CADPS2: variants seen among roughly 807,000 people sequenced by gnomAD.
The protein encoded by CADPS2 is calcium dependent secretion activator 2.
CADPS2 carries 93 observed loss-of-function variants against 172.5 expected under a neutral mutation model. That is an observed-to-expected ratio of 0.54 (90% CI 0.46 to 0.64). The LOEUF (loss-of-function observed/expected upper bound fraction) is 0.64, where lower values mean the gene tolerates loss of function less well. Ranked by LOEUF, CADPS2 falls within the 30% of genes least tolerant of loss-of-function variation. The pLI is 0.00. For synonymous variants in CADPS2, 546 were observed against 555.2 expected (o/e 0.98, Z 0.23); for missense variants, 1,420 against 1,565.9 (o/e 0.91, Z 1.57).
chr7:122,587,202 A>G (rs940169446), intron 6 of CADPS2, among the ~76,000 whole-genome samples: 7 of 151,810 alleles, frequency 4.6e-5, no homozygotes. Flanking sequence ...TGCGCCTATC[A>G]ACACATCACC....
chr7:122,645,658 G>GAT (rs71161314), intron 3 of CADPS2, among the ~76,000 whole-genome samples: 3,774 of 106,576 alleles, frequency 0.035, 229 homozygotes, highest in African/African-American at 0.13. Flanking sequence ...ATATCTCTAA[G>GAT]ATATATATAT....
At chr7:122,872,978 A>T (rs1356453711) in intron 1 of CADPS2, among the ~76,000 whole-genome samples, 4 of 152,084 alleles carry the variant, frequency 2.6e-5, no homozygotes, top group Admixed American at 1.3e-4. Context: ...AAACATAAGG[A>T]AGGCGAAGGA....
intron 4 of CADPS2, among the ~76,000 whole-genome samples, chr7:122,628,708 C>T (rs780979235): frequency 2.0e-5 from 3 of 150,144 alleles, no homozygotes; most frequent in Non-Finnish European, 4.4e-5. Context: ...TCACGATACA[C>T]AGTGATCACA....
rs546759277 is a variant in CADPS2 at position 122,685,915 on chromosome 7, A to G, written c.454-22346T>C. Among the ~76,000 whole-genome samples, 92 of 152,280 alleles carry G rather than the reference A, an allele frequency of 6.0e-4. 1 individual carries two copies. The highest frequency in any genetic ancestry group is 1.2e-3 in the South Asian group (6 of 4,824). ...TGCCACAAACCTTTGGAGGGCCTAC[A>G]TACACTCCCAATGCCTTACCCTGAA... On this transcript the variant is annotated intron_variant, in intron 2 of 29. Coordinates refer to ENST00000449022, the MANE Select transcript of CADPS2 (RefSeq NM_017954.11).
At chr7:122,640,384 T>C (rs1438021735) in intron 3 of CADPS2, among the ~76,000 whole-genome samples, 3 of 151,890 alleles carry the variant, frequency 2.0e-5, no homozygotes, top group Non-Finnish European at 2.9e-5. Flanking sequence ...GCCAGTATGG[T>C]TGGAAACTCT....
intron 1 of CADPS2, among the ~76,000 whole-genome samples, chr7:122,774,591 G>T (rs973181501): frequency 6.6e-6 from 1 of 152,054 alleles, no homozygotes; most frequent in African/African-American, 2.4e-5. Context: ...CATAATCTTT[G>T]CTATAGAGTA....
chr7:122,393,761 T>C (rs2044705443), intron 20 of CADPS2, among the ~76,000 whole-genome samples, 179 bp from the exon 21 acceptor site: 1 of 152,100 alleles, frequency 6.6e-6, no homozygotes, highest in Non-Finnish European at 1.5e-5. Context: ...GATCAAAAAG[T>C]ATAATTAGCC....
intron 12 of CADPS2, among the ~76,000 whole-genome samples, chr7:122,478,591 A>G (rs1489505568): frequency 6.6e-6 from 1 of 152,238 alleles, no homozygotes; most frequent in Non-Finnish European, 1.5e-5. Flanking sequence ...AAGCCTAAAA[A>G]TTAAATTTTT....
chr7:122,785,809 G>A (rs1793895391), intron 1 of CADPS2, among the ~76,000 whole-genome samples: 1 of 152,010 alleles, frequency 6.6e-6, no homozygotes, highest in Non-Finnish European at 1.5e-5. Flanking sequence ...TCTCTCACTA[G>A]GGCTCAGACC....
chr7:122,829,156 G>T (rs905776027), intron 1 of CADPS2, among the ~76,000 whole-genome samples: 1 of 152,020 alleles, frequency 6.6e-6, no homozygotes, highest in African/African-American at 2.4e-5. Context: ...TATTGTCAGG[G>T]TGTGCTCAGC....
At chr7:122,446,596 T>C (rs10255017) in intron 15 of CADPS2, among the ~76,000 whole-genome samples, 5,122 of 152,266 alleles carry the variant, frequency 0.034, 274 homozygotes, top group African/African-American at 0.12. Context: ...CCATAAGCCT[T>C]TCCTGTGGTT....
At chr7:122,731,817 C>T (rs2091673215) in intron 2 of CADPS2, among the ~76,000 whole-genome samples, 1 of 151,696 alleles carries the variant, frequency 6.6e-6, no homozygotes, top group Non-Finnish European at 1.5e-5. Flanking sequence ...TTCTTCTCTT[C>T]CTATTCTGGT....
At chr7:122,819,280 T>G (rs1050982135) in intron 1 of CADPS2, among the ~76,000 whole-genome samples, 1 of 152,112 alleles carries the variant, frequency 6.6e-6, no homozygotes, top group Admixed American at 6.6e-5. Context: ...GGGACCCCAC[T>G]GAAAATCGGA....
chr7:122,792,815 C>A (rs1317556807), intron 1 of CADPS2, among the ~76,000 whole-genome samples: 1 of 152,156 alleles, frequency 6.6e-6, no homozygotes, highest in East Asian at 1.9e-4. Flanking sequence ...AACAGCAAAG[C>A]ATCTGGTCTC....
intron 3 of CADPS2, among the ~76,000 whole-genome samples, chr7:122,650,319 T>C (rs1207406879): frequency 6.6e-6 from 1 of 152,140 alleles, no homozygotes; most frequent in Non-Finnish European, 1.5e-5. Context: ...TACAGTTGCT[T>C]ATTATGCTTG....
At chr7:122,565,529 G>C (rs2066346774) in intron 7 of CADPS2, among the ~76,000 whole-genome samples, 3 of 152,076 alleles carry the variant, frequency 2.0e-5, no homozygotes, top group Admixed American at 2.0e-4. Flanking sequence ...TCAAAATCAG[G>C]TTTCAAAGTT....
At chr7:122,387,723 T>G (rs904296328) in intron 23 of CADPS2, among the ~76,000 whole-genome samples, 2 of 152,208 alleles carry the variant, frequency 1.3e-5, no homozygotes, top group South Asian at 2.1e-4. Flanking sequence ...AACTGCATCA[T>G]GAGCAATTTG....
intron 1 of CADPS2, among the ~76,000 whole-genome samples, chr7:122,789,084 ATG>A (rs1241549577): frequency 1.3e-5 from 2 of 152,084 alleles, no homozygotes; most frequent in African/African-American, 4.8e-5. Flanking sequence ...GGCAGAGGAA[ATG>A]GTAATGGTTT....
chr7:122,536,597 A>T (rs1271094447), intron 8 of CADPS2, among the ~76,000 whole-genome samples: 1 of 152,086 alleles, frequency 6.6e-6, no homozygotes, highest in Non-Finnish European at 1.5e-5. Flanking sequence ...AACAGGCGAG[A>T]GACCATTTAC....
Sources: allele counts gnomAD v4.1 joint callset (sites outside exome capture counted in the v4.1 genomes callset), GRCh38; gene constraint gnomAD v4.1.1; transcripts MANE v1.5; gene names NCBI Gene and HGNC (gene_info 2026-07-23, HGNC 2026-07-21).